DNAJC18: variants seen among roughly 807,000 people sequenced by gnomAD.
The protein encoded by DNAJC18 is DnaJ heat shock protein family (Hsp40) member C18.
In DNAJC18, 40 loss-of-function variants were observed where a neutral mutation model predicts 48.6. That is an observed-to-expected ratio of 0.82 (90% confidence interval 0.64 to 1.07). The LOEUF is 1.07. DNAJC18 is among the 50% of genes least tolerant of loss of function. The pLI is 0.00. For synonymous variants in DNAJC18, 135 were observed against 152.2 expected (o/e 0.89, Z 0.83); for missense variants, 340 against 427.7 (o/e 0.79, Z 1.81).
In DNAJC18 at chr5:139,411,191, G is replaced by C. The variant is rs753885106; in HGVS notation, c.*2957C>G. ...AGGAAGCTTACACATTTCCCGGCCTGAGCAGATGAACTCTAGGGTTGCTAA... is the reference window on the plus strand; with the variant it reads ...AGGAAGCTTACACATTTCCCGGCCTCAGCAGATGAACTCTAGGGTTGCTAA... On this transcript the variant is annotated 3_prime_UTR_variant, in exon 8 of 8. Coordinates refer to ENST00000302060, the MANE Select transcript of DNAJC18 (RefSeq NM_152686.4). 3 of 152,244 alleles carry C rather than the reference G, an allele frequency of 2.0e-5. No individual in the cohort carries two copies. The highest frequency in any genetic ancestry group is 2.9e-5 in the Non-Finnish European group (2 of 68,054). 9.4% of individuals were successfully genotyped at this position (152,244 alleles called of 1,614,324 possible).
At chr5:139,423,676 C>T (rs1306297420) in intron 5 of DNAJC18, among the ~76,000 whole-genome samples, 2 of 151,356 alleles carry the variant, frequency 1.3e-5, no homozygotes, top group East Asian at 3.9e-4. Flanking sequence ...AGGTGTGAGC[C>T]ATAGCACCCA....
At chr5:139,422,221 A>T (rs1759165633) in intron 6 of DNAJC18, among the ~76,000 whole-genome samples, 4 of 152,340 alleles carry the variant, frequency 2.6e-5, no homozygotes, top group Admixed American at 6.5e-5. Context: ...AGAAATTTTT[A>T]AAAATCCTAT....
rs746337694 is a variant in DNAJC18 at position 139,428,548 on chromosome 5, A to G, written c.363T>C (p.Asp121=). ...GGTTCAGGATCAGACCTTTGAAAGC[A>G]TCTGTTGCTCCAGGAGCACAGTTCT... The part of the protein sequence containing the change: ...PDKNCAPGAT[D]AFKAIGNAFA... The change falls in exon 3 of 8, where the codon GAT becomes GAC. Residue 121 remains aspartate, a synonymous_variant. Transcript: ENST00000302060. 2.5e-6 allele frequency: 4 copies of G among 1,612,958 alleles called. No individual in the cohort carries two copies. Among genetic ancestry groups the G allele is most frequent in the Non-Finnish European group, 3.4e-6 (4 of 1,179,682 alleles).
At chr5:139,420,354 C>CCCAACACTTCTTATTT (rs1208050293) in intron 6 of DNAJC18, 129 bp from the exon 7 acceptor site, 14 of 889,466 alleles carry the variant, frequency 1.6e-5, no homozygotes, top group Non-Finnish European at 2.0e-5. Context: ...TTCTAATATA[C>CCCAACACTTCTTATTT]CCAACACTTC....
In DNAJC18 at chr5:139,412,198, T is replaced by C. The variant is rs1288397233; in HGVS notation, c.*1950A>G. 2.6e-5 allele frequency: 4 copies of C among 152,234 alleles called. No individual in the cohort carries two copies. The highest frequency in any genetic ancestry group is 1.3e-4 in the Admixed American group (2 of 15,284). 9.4% of individuals were successfully genotyped at this position (152,234 alleles called of 1,614,324 possible). ...ATGGTAGGGAACAACCGTTCAGATG[T>C]TGATGAGCCATGCTAGGCACGTCTG... is the stretch of plus-strand genomic sequence containing the variant. On this transcript the variant is annotated 3_prime_UTR_variant, in exon 8 of 8. Transcript: ENST00000302060.
intron 6 of DNAJC18, chr5:139,420,429 C>G (rs1759134814): frequency 1.9e-6 from 1 of 527,410 alleles, no homozygotes; most frequent in Non-Finnish European, 3.2e-6. Flanking sequence ...CAAGTTCATA[C>G]TATGAATTCA....
chr5:139,439,376 C>G lies in DNAJC18; in HGVS notation c.40+30G>C. The G allele has an allele frequency of 6.2e-7, 1 of 1,614,138 alleles. No homozygotes were observed. The highest frequency in any genetic ancestry group is 1.3e-5 in the African/African-American group (1 of 75,086). ...TCCCTGATCTCTCCCGAAGGCCGCC[C>G]TATCCCTCCTTCAGGCGGGGACCTA... On this transcript the variant is annotated intron_variant, in intron 1 of 7. Transcript: ENST00000302060. This position sits in a 1 kb window ranked among gnomAD's most constrained non-coding sequence, Gnocchi z 4.1.
intron 2 of DNAJC18, among the ~76,000 whole-genome samples, chr5:139,435,065 T>A (rs988274527): frequency 6.6e-6 from 1 of 152,274 alleles, no homozygotes. Flanking sequence ...GTTTTTATTA[T>A]GAAAGAGTGT....
intron 3 of DNAJC18, among the ~76,000 whole-genome samples, chr5:139,428,199 T>C (rs189144707): frequency 6.6e-6 from 1 of 152,256 alleles, no homozygotes; most frequent in East Asian, 1.9e-4. Flanking sequence ...GAGTTTGAGA[T>C]CAGCCAGAGC....
At chr5:139,436,848 T>C (rs1355041976) in intron 2 of DNAJC18, among the ~76,000 whole-genome samples, 1 of 152,180 alleles carries the variant, frequency 6.6e-6, no homozygotes, top group Non-Finnish European at 1.5e-5. Flanking sequence ...TTTTAGTACG[T>C]CGTGTTTTCA....
chr5:139,425,539 A>G (rs1391694458), intron 4 of DNAJC18, among the ~76,000 whole-genome samples: 1 of 152,200 alleles, frequency 6.6e-6, no homozygotes, highest in East Asian at 1.9e-4. Context: ...TTTACCCAGT[A>G]GAAAAATAAG....
chr5:139,434,550 T>C (rs1051367986), intron 2 of DNAJC18, among the ~76,000 whole-genome samples: 5 of 152,186 alleles, frequency 3.3e-5, no homozygotes, highest in Non-Finnish European at 7.4e-5. Flanking sequence ...CTTGAACTCC[T>C]AGCTTCAAGA....
rs1759007935 is a variant in DNAJC18 at position 139,412,423 on chromosome 5, G to C, written c.*1725C>G. 1 of 261,698 alleles carries C rather than the reference G, an allele frequency of 3.8e-6. No individual in the cohort carries two copies. Among genetic ancestry groups the C allele is most frequent in the South Asian group, 1.8e-4 (1 of 5,712 alleles). The allele number at this position is 261,698 out of a possible 1,614,324, so 16.2% of individuals were successfully genotyped here. A position where few individuals can be genotyped will look rare whatever the true frequency, so the allele number is the denominator to read the frequency against. On this transcript the variant is annotated 3_prime_UTR_variant, in exon 8 of 8. Coordinates refer to ENST00000302060, the MANE Select transcript of DNAJC18 (RefSeq NM_152686.4). ...CTACAGGCATGTGCCACCACACCTG[G>C]CTAATTTTTGTATTATTAGTAGAGA... is the stretch of plus-strand genomic sequence containing the variant.
At chr5:139,427,303 T>C (rs1257276004) in intron 3 of DNAJC18, among the ~76,000 whole-genome samples, 1 of 152,230 alleles carries the variant, frequency 6.6e-6, no homozygotes, top group East Asian at 1.9e-4. Flanking sequence ...CTCCTTTCTA[T>C]GTACAGACGT....
chr5:139,418,466 C>A (rs1759101256), intron 7 of DNAJC18, among the ~76,000 whole-genome samples: 1 of 152,164 alleles, frequency 6.6e-6, no homozygotes, highest in South Asian at 2.1e-4. Context: ...TAATATGAGG[C>A]CTTTATCCTG....
chr5:139,437,851 A>G (rs1275185427), intron 1 of DNAJC18, among the ~76,000 whole-genome samples: 3 of 152,216 alleles, frequency 2.0e-5, no homozygotes, highest in African/African-American at 2.4e-5. Flanking sequence ...TAACAATTAT[A>G]GAACTAATAT....
At chr5:139,414,730 A>G (rs1759047318) in intron 7 of DNAJC18, among the ~76,000 whole-genome samples, 1 of 152,244 alleles carries the variant, frequency 6.6e-6, no homozygotes, top group Non-Finnish European at 1.5e-5. Context: ...CACAGAGCCT[A>G]CTGCTGCCGG....
chr5:139,428,622 C>G lies in DNAJC18; in HGVS notation c.289G>C (p.Glu97Gln). 1 of 1,613,824 alleles carries G rather than the reference C, an allele frequency of 6.2e-7. No homozygotes were observed. The highest frequency in any genetic ancestry group is 8.5e-7 in the Non-Finnish European group (1 of 1,179,962). ...LGVSRDASDE[E>Q]LKKAYRKLAL... is the part of the protein sequence containing the mutation. The stretch of plus-strand genomic sequence containing the variant: ...AGTTTTCTGTAAGCTTTCTTAAGCT[C>G]TTCGTCACTAGCATCTCGAGAAACT... The change falls in exon 3 of 8, where the codon GAG (glutamate) becomes CAG (glutamine). Residue 97 changes from glutamate (E) to glutamine (Q), a missense_variant. By Grantham distance (29) the Glu-to-Gln change is conservative. Coordinates refer to ENST00000302060, the MANE Select transcript of DNAJC18 (RefSeq NM_152686.4).
intron 7 of DNAJC18, among the ~76,000 whole-genome samples, chr5:139,417,855 T>C (rs894403600): frequency 6.6e-6 from 1 of 152,110 alleles, no homozygotes; most frequent in Non-Finnish European, 1.5e-5. Flanking sequence ...ATTACAGGCA[T>C]GAGCCACCAC....
Sources: gnomAD v4.1 joint callset for allele counts (sites outside exome capture counted in the v4.1 genomes callset) on GRCh38, gnomAD v4.1.1 for gene constraint, Gnocchi (gnomAD v3.1) non-coding constraint, MANE v1.5 for transcripts, NCBI Gene and HGNC (gene_info 2026-07-23, HGNC 2026-07-21) for gene names.